MYO18A: variants seen among roughly 807,000 people sequenced by gnomAD.
MYO18A encodes the protein unconventional myosin-XVIIIa.
MYO18A carries 78 observed loss-of-function variants against 235.8 expected under a neutral mutation model. That is an observed-to-expected ratio of 0.33 (90% CI 0.28 to 0.40). The LOEUF (loss-of-function observed/expected upper bound fraction) is 0.40. Among genes scored for constraint, MYO18A ranks in the 10% least tolerant of loss-of-function variants. The pLI is 1.00. For synonymous variants in MYO18A, 977 were observed against 1,077.8 expected (o/e 0.91, Z 1.83); for missense variants, 2,215 against 2,699.3 (o/e 0.82, Z 3.98).
intron 2 of MYO18A, among the ~76,000 whole-genome samples, chr17:29,165,184 G>T (rs900285229): frequency 1.3e-5 from 2 of 152,194 alleles, no homozygotes; most frequent in Non-Finnish European, 2.9e-5. Context: ...CTTTCCCAAA[G>T]ATATAATCAT....
intron 19 of MYO18A, 158 bp from the exon 20 acceptor site, chr17:29,107,347 G>A: frequency 3.1e-6 from 2 of 652,464 alleles, no homozygotes; most frequent in Non-Finnish European, 2.7e-6. Context: ...GAAAGGAGAG[G>A]GGGTAGGCAG....
In MYO18A at chr17:29,097,796, T is replaced by C. The variant is rs1327260349; in HGVS notation, c.4094A>G (p.Asp1365Gly). 4.3e-6 allele frequency: 7 copies of C among 1,611,952 alleles called. No individual in the cohort carries two copies. The highest frequency in any genetic ancestry group is 3.3e-5 in the Admixed American group (2 of 59,818). The change falls in exon 26 of 42, where the codon GAT becomes GGT. Residue 1365 changes from aspartate to glycine, a missense_variant. Coordinates refer to ENST00000527372, the MANE Select transcript of MYO18A (RefSeq NM_078471.4). ...TTGGGCCTCAGGCCCACCTGCATCATCATCATCCACTTCCCCGTTGATCTC... is the reference window on the plus strand; with the variant it reads ...TTGGGCCTCAGGCCCACCTGCATCACCATCATCCACTTCCCCGTTGATCTC... ...AAEINGEVDD[D>G]DAGGEWRLKY...
At position 29,071,162 on chromosome 17, in the gene MYO18A, A is replaced by C. The variant is rs1312172160; in HGVS notation, c.*3608T>G. 1 of 152,238 alleles carries C rather than the reference A, an allele frequency of 6.6e-6. No homozygotes were observed. The highest frequency in any genetic ancestry group is 6.5e-5 in the Admixed American group (1 of 15,278). 9.4% of individuals were successfully genotyped at this position (152,238 alleles called of 1,614,324 possible). The stretch of plus-strand genomic sequence containing the variant: ...CTGCCACTTTATTTTCTGGGCACAG[A>C]CTGGGCACCATGGGGAGTCCCACAG... On this transcript the variant is annotated 3_prime_UTR_variant, in exon 42 of 42. Coordinates refer to ENST00000527372, the MANE Select transcript of MYO18A (RefSeq NM_078471.4).
At chr17:29,083,277 G>T (rs1598269754) in intron 40 of MYO18A, among the ~76,000 whole-genome samples, 1 of 152,268 alleles carries the variant, frequency 6.6e-6, no homozygotes, top group Non-Finnish European at 1.5e-5. Flanking sequence ...GCACTTGAAA[G>T]AAAGCCCAAA....
rs1234422540 is a variant in MYO18A, at chr17:29,110,040, A to G, written c.3149T>C (p.Val1050Ala). The G allele has an allele frequency of 6.2e-7, 1 of 1,613,272 alleles. No individual in the cohort carries two copies. The change falls in exon 19 of 42, where the codon GTA becomes GCA. Residue 1050 changes from valine to alanine, a missense_variant. Coordinates refer to ENST00000527372, the MANE Select transcript of MYO18A (RefSeq NM_078471.4). Reference protein sequence around the residue: ...KLHFVHCFLPVAEGWAGEPRS... With the variant: ...KLHFVHCFLPAAEGWAGEPRS... ...GGGCTCCCCAGCCCAGCCCTCAGCT[A>G]CAGGCAGGAAGCAGTGCACAAAATG...
intron 2 of MYO18A, among the ~76,000 whole-genome samples, chr17:29,161,931 C>T (rs1225996683): frequency 2.0e-5 from 3 of 152,228 alleles, no homozygotes; most frequent in Non-Finnish European, 4.4e-5. Flanking sequence ...TTAAGAGTAA[C>T]TGATCCAAAT....
At chr17:29,085,914 G>A (rs938205975) in intron 39 of MYO18A, among the ~76,000 whole-genome samples, 1 of 152,218 alleles carries the variant, frequency 6.6e-6, no homozygotes, top group Non-Finnish European at 1.5e-5. Context: ...CAGCCCTAAG[G>A]TGGGAAGGGG....
chr17:29,160,225 G>A (rs1253175549), intron 2 of MYO18A, among the ~76,000 whole-genome samples: 1 of 152,214 alleles, frequency 6.6e-6, no homozygotes, highest in Admixed American at 6.5e-5. Context: ...AGAATAAAAA[G>A]CAAGTCTCCT....
intron 2 of MYO18A, among the ~76,000 whole-genome samples, chr17:29,149,670 T>C (rs2067927725): frequency 6.6e-6 from 1 of 152,258 alleles, no homozygotes; most frequent in African/African-American, 2.4e-5. Context: ...ACCACCTGAC[T>C]GGCCCGACAG....
rs1169496497 is a variant in MYO18A at position 29,180,149 on chromosome 17, G to A, written c.-82+164C>T. On this transcript the variant is annotated intron_variant, in intron 1 of 41. Transcript: ENST00000527372. This position sits in a 1 kb window ranked among gnomAD's most constrained non-coding sequence, Gnocchi z 6.1. The stretch of plus-strand genomic sequence containing the variant: ...CGAGCTCCACGGCGCCGCCAGGGAC[G>A]GGAGCCGGGAGTCCGGGCCGCTGCT... Among the ~76,000 whole-genome samples, 1 of 151,896 alleles carries A rather than the reference G, an allele frequency of 6.6e-6. No individual in the cohort carries two copies. Among genetic ancestry groups the A allele is most frequent in the Admixed American group, 6.6e-5 (1 of 15,262 alleles).
At chr17:29,147,976 A>C (rs1338848984) in intron 2 of MYO18A, among the ~76,000 whole-genome samples, 1 of 151,190 alleles carries the variant, frequency 6.6e-6, no homozygotes, top group Non-Finnish European at 1.5e-5. Flanking sequence ...CTGGCAGTTG[A>C]TGGGGAAGAG....
intron 11 of MYO18A, 78 bp downstream of exon 11, chr17:29,116,366 C>G: frequency 6.4e-7 from 1 of 1,567,776 alleles, no homozygotes; most frequent in Non-Finnish European, 8.8e-7. Context: ...GGGAACAGCC[C>G]GCACAGACAT....
chr17:29,087,441 G>A (rs1028778766), intron 37 of MYO18A, among the ~76,000 whole-genome samples: 9 of 151,940 alleles, frequency 5.9e-5, no homozygotes, highest in Admixed American at 1.3e-4. Context: ...TGGGCCTGTC[G>A]GTATTGACAC....
intron 15 of MYO18A, among the ~76,000 whole-genome samples, chr17:29,113,286 A>G (rs2066978241): frequency 6.6e-6 from 1 of 152,240 alleles, no homozygotes; most frequent in African/African-American, 2.4e-5. Flanking sequence ...TAGGGATCAA[A>G]GCAGAGCAGG....
intron 1 of MYO18A, among the ~76,000 whole-genome samples, chr17:29,173,508 C>T (rs1173502569): frequency 1.3e-5 from 2 of 151,980 alleles, no homozygotes; most frequent in African/African-American, 4.8e-5. Context: ...CTGCCTCAGC[C>T]TCCCGAGTAG....
At chr17:29,150,586 A>G (rs1004241530) in intron 2 of MYO18A, among the ~76,000 whole-genome samples, 3 of 152,244 alleles carry the variant, frequency 2.0e-5, no homozygotes, top group Non-Finnish European at 2.9e-5. Context: ...ACAAACCTTC[A>G]AGAACACCCA....
chr17:29,082,248 A>C, intron 41 of MYO18A, 68 bp downstream of exon 41: 1 of 1,601,346 alleles, frequency 6.2e-7, no homozygotes, highest in Non-Finnish European at 8.5e-7. Flanking sequence ...CATGGGATCC[A>C]GGCGCTACTT....
intron 2 of MYO18A, among the ~76,000 whole-genome samples, chr17:29,147,551 C>G (rs2067874487): frequency 6.6e-6 from 1 of 150,712 alleles, no homozygotes. Context: ...AAAAAACATT[C>G]TGAGCTAACA....
At position 29,073,886 on chromosome 17, in the gene MYO18A, T is replaced by C. The variant is rs556055653; in HGVS notation, c.*884A>G. The C allele has an allele frequency of 2.3e-5, 37 of 1,598,548 alleles. No homozygotes were observed. Among genetic ancestry groups the C allele is most frequent in the Admixed American group, 6.7e-5 (4 of 59,512 alleles). Reference sequence around the variant, plus strand: ...AGCCTTCCCTCTCAAGTTGAGTTTATGGTCCAGACCACCTGGACAGAGCAG... The same window carrying C: ...AGCCTTCCCTCTCAAGTTGAGTTTACGGTCCAGACCACCTGGACAGAGCAG... On this transcript the variant is annotated 3_prime_UTR_variant, in exon 42 of 42. Coordinates refer to ENST00000527372, the MANE Select transcript of MYO18A (RefSeq NM_078471.4).
Sources: allele counts gnomAD v4.1 joint callset (sites outside exome capture counted in the v4.1 genomes callset), GRCh38; gene constraint gnomAD v4.1.1; non-coding constraint Gnocchi (gnomAD v3.1); transcripts MANE v1.5; gene names NCBI Gene and HGNC (gene_info 2026-07-23, HGNC 2026-07-21).